Variants in TAB1 observed in about 807,000 individuals in gnomAD.
TAB1 encodes TGF-beta-activated kinase 1 and MAP3K7-binding protein 1.
Under a neutral mutation model 54.5 loss-of-function variants are expected in TAB1, and 30 were observed. The ratio of observed to expected loss-of-function variants is 0.55; its 90% CI spans 0.41 to 0.75. The LOEUF (loss-of-function observed/expected upper bound fraction) is 0.75, where lower values mean the gene tolerates loss of function less well. TAB1 is among the 30% of genes least tolerant of loss of function. The probability of loss-of-function intolerance (pLI) is 0.00; values close to 1 mark genes in which losing one functional copy is unlikely to be tolerated. For missense variants in TAB1, 609 were observed against 683.2 expected, an observed-to-expected ratio of 0.89 and a Z score of 1.21; for synonymous variants, 289 against 286.9, an observed-to-expected ratio of 1.01 and a Z score of -0.07.
chr22:39,428,851 C>T (rs558698826), intron 10 of TAB1, among the ~76,000 whole-genome samples: 5 of 152,336 alleles, frequency 3.3e-5, no homozygotes, highest in African/African-American at 1.2e-4. Flanking sequence ...GGGGGGTGGG[C>T]GGCCTGCATG....
In TAB1 at chr22:39,431,734, G is replaced by C. The variant is rs1927594580; in HGVS notation, c.*1512G>C. Reference sequence around the variant, plus strand: ...AGCCATCTCTGTTCTGCAGGTGAGAGGATTTAAAGTCAGTCACAAAGGCTT... The same window carrying C: ...AGCCATCTCTGTTCTGCAGGTGAGACGATTTAAAGTCAGTCACAAAGGCTT... On this transcript the variant is annotated 3_prime_UTR_variant, in exon 11 of 11. Transcript: ENST00000216160. 2.0e-6 allele frequency: 2 copies of C among 985,366 alleles called. No homozygotes were observed. Among genetic ancestry groups the C allele is most frequent in the Non-Finnish European group, 2.4e-6 (2 of 829,978 alleles). 61.0% of individuals were successfully genotyped at this position (985,366 alleles called of 1,614,324 possible).
chr22:39,426,671 C>T (rs747370422), intron 8 of TAB1, 32 bp from the exon 9 acceptor site: 1 of 1,569,692 alleles, frequency 6.4e-7, no homozygotes, highest in Admixed American at 1.7e-5. Context: ...GCACCTCGTT[C>T]CTTACCAGGT....
chr22:39,402,534 G>A (rs763813871), intron 1 of TAB1, among the ~76,000 whole-genome samples: 13 of 152,126 alleles, frequency 8.5e-5, no homozygotes, highest in Admixed American at 3.9e-4. Context: ...ACCTTGAAAG[G>A]TCTTTTGAAG....
chr22:39,430,949 G>A lies in TAB1; in HGVS notation c.*727G>A, dbSNP rs1202084347. 16 of 986,790 alleles carry A rather than the reference G, an allele frequency of 1.6e-5. No homozygotes were observed. Among genetic ancestry groups the A allele is most frequent in the Middle Eastern group, 5.2e-4 (1 of 1,938 alleles). 61.1% of individuals were successfully genotyped at this position (986,790 alleles called of 1,614,324 possible). ...TGCGGGAGAGGTGAGGACTGGCCCC[G>A]GTGGGCTGAGGCAGGGGCCGCTGTC... On this transcript the variant is annotated 3_prime_UTR_variant, in exon 11 of 11. Transcript: ENST00000216160.
Position 39,414,991 on chromosome 22 carries a change from G to A in TAB1, c.34-15G>A. The A allele has an allele frequency of 1.9e-6, 3 of 1,613,778 alleles. No homozygotes were observed. Among genetic ancestry groups the A allele is most frequent in the Non-Finnish European group, 2.5e-6 (3 of 1,179,984 alleles). ...ACGCGGTGGCGTCTCACGGCTTCCT[G>A]GTGTCCTTCCCCAGGAGCAGCAGCC... is the stretch of plus-strand genomic sequence containing the variant. On this transcript the variant is annotated splice_polypyrimidine_tract_variant and intron_variant, in intron 1 of 10. Coordinates refer to ENST00000216160, the MANE Select transcript of TAB1 (RefSeq NM_006116.3).
In TAB1 at chr22:39,431,471, C is replaced by T. The variant is rs1178845097; in HGVS notation, c.*1249C>T. On this transcript the variant is annotated 3_prime_UTR_variant, in exon 11 of 11. Transcript: ENST00000216160. Reference sequence around the variant, plus strand: ...CCACGCCCTCCCCATCTCCCAGTCTCCCTGCCCCCCATGCCCCAGACCGGC... The same window carrying T: ...CCACGCCCTCCCCATCTCCCAGTCTTCCTGCCCCCCATGCCCCAGACCGGC... 5.1e-6 allele frequency: 5 copies of T among 985,766 alleles called. No individual in the cohort carries two copies. The highest frequency in any genetic ancestry group is 6.0e-6 in the Non-Finnish European group (5 of 830,232). 61.1% of individuals were successfully genotyped at this position (985,766 alleles called of 1,614,324 possible).
At chr22:39,433,922 GTCAC>G, downstream of TAB1, 1 of 653,498 alleles carries the variant, frequency 1.5e-6, no homozygotes, top group Non-Finnish European at 1.9e-6. Context: ...TCCTCCATGG[GTCAC>G]TCACTCTCAG....
chr22:39,409,892 C>T (rs990713255), intron 1 of TAB1, among the ~76,000 whole-genome samples: 9 of 152,156 alleles, frequency 5.9e-5, no homozygotes, highest in Admixed American at 5.2e-4. Flanking sequence ...TCTTCTGTGT[C>T]CGCAGTACCC....
In TAB1 at chr22:39,415,858, G is replaced by C. The variant is rs1285341961; in HGVS notation, c.324+205G>C. ...AGCGAGCAGCAGGCCTTCAATGGCT[G>C]GCAGAGGAGGTACTGCTGGAGACGG... On this transcript the variant is annotated intron_variant, in intron 3 of 10. Transcript: ENST00000216160. This position sits in a 1 kb window ranked among gnomAD's most constrained non-coding sequence, Gnocchi z 4.9. Among the ~76,000 whole-genome samples the C allele has an allele frequency of 2.0e-5, 3 of 152,214 alleles. No individual in the cohort carries two copies. The highest frequency in any genetic ancestry group is 2.9e-5 in the Non-Finnish European group (2 of 68,040).
intron 1 of TAB1, among the ~76,000 whole-genome samples, chr22:39,405,711 T>A (rs1926331939): frequency 6.6e-6 from 1 of 152,190 alleles, no homozygotes; most frequent in Non-Finnish European, 1.5e-5. Flanking sequence ...GACTTGGCAG[T>A]CCTGTAGGCT....
chr22:39,430,517 A>G lies in TAB1; in HGVS notation c.*295A>G. The G allele has an allele frequency of 7.8e-7, 1 of 1,289,604 alleles. No individual in the cohort carries two copies. The highest frequency in any genetic ancestry group is 9.9e-7 in the Non-Finnish European group (1 of 1,007,846). 79.9% of individuals were successfully genotyped at this position (1,289,604 alleles called of 1,614,324 possible). A position where few individuals can be genotyped will look rare whatever the true frequency, so the allele number is the denominator to read the frequency against. On this transcript the variant is annotated 3_prime_UTR_variant, in exon 11 of 11. Transcript: ENST00000216160. ...GGTATAGAAACCGCAGTGGGCCTGCAAGCCGCCCGAGCCTCCCCAGCAGCC... is the reference window on the plus strand; with the variant it reads ...GGTATAGAAACCGCAGTGGGCCTGCGAGCCGCCCGAGCCTCCCCAGCAGCC...
At chr22:39,417,576 A>C (rs1024554596) in intron 4 of TAB1, 135 bp from the exon 5 acceptor site, 1 of 806,400 alleles carries the variant, frequency 1.2e-6, no homozygotes, top group East Asian at 3.0e-5. Context: ...AGCCGAGATC[A>C]TGCCACTGCA....
chr22:39,403,087 C>T (rs1480196739), intron 1 of TAB1, among the ~76,000 whole-genome samples: 2 of 152,244 alleles, frequency 1.3e-5, no homozygotes, highest in African/African-American at 4.8e-5. Flanking sequence ...TCAGTGCTGC[C>T]GTGAGTGAAT....
intron 1 of TAB1, among the ~76,000 whole-genome samples, chr22:39,406,269 C>T (rs1030287335): frequency 3.3e-5 from 5 of 151,924 alleles, no homozygotes; most frequent in East Asian, 1.9e-4. Flanking sequence ...CATGGTGGCA[C>T]GCACCTGTAA....
chr22:39,428,247 A>G (rs764136364), intron 10 of TAB1, 64 bp downstream of exon 10: 285 of 1,211,506 alleles, frequency 2.4e-4, no homozygotes, highest in Non-Finnish European at 3.0e-4. Context: ...CTGTGGCACC[A>G]GGACAGAAAT....
At chr22:39,420,415 C>T (rs1423041940) in intron 7 of TAB1, among the ~76,000 whole-genome samples, 2 of 152,150 alleles carry the variant, frequency 1.3e-5, no homozygotes, top group African/African-American at 2.4e-5. Flanking sequence ...GGGAGATAGG[C>T]GCGTCCACTT....
chr22:39,422,919 A>G (rs1645836131), intron 8 of TAB1, among the ~76,000 whole-genome samples: 1 of 151,400 alleles, frequency 6.6e-6, no homozygotes, highest in African/African-American at 2.4e-5. Flanking sequence ...AGATAAGTTC[A>G]GTTTGTGTTC....
rs1363144207 is a variant in TAB1 at position 39,430,677 on chromosome 22, T to A, written c.*455T>A. ...ACAGTAGCCCTCCACTTCTCCAGCC[T>A]CTCAGCCCTGTGCTCCTGCATCCAG... On this transcript the variant is annotated 3_prime_UTR_variant, in exon 11 of 11. Transcript: ENST00000216160. 1 of 1,053,410 alleles carries A rather than the reference T, an allele frequency of 9.5e-7. No homozygotes were observed. The highest frequency in any genetic ancestry group is 1.6e-5 in the African/African-American group (1 of 60,726). 65.3% of individuals were successfully genotyped at this position (1,053,410 alleles called of 1,614,324 possible). A position where few individuals can be genotyped will look rare whatever the true frequency, so the allele number is the denominator to read the frequency against.
At position 39,418,793 on chromosome 22, in the gene TAB1, C is replaced by A; in HGVS notation, c.612C>A (p.Asn204Lys). The change falls in exon 6 of 11, where the codon AAC becomes AAA. Residue 204 changes from asparagine to lysine, a missense_variant. Asn to Lys is a moderately conservative substitution (Grantham distance 94). Transcript: ENST00000216160. ...TVDGLQVTQL[N>K]VDHTTENEDE... ...ATGGGTTGCAGGTGACACAGCTGAA[C>A]GTGGACCACACCACAGAGAACGAGG... 6.2e-7 allele frequency: 1 copy of A among 1,614,156 alleles called. No homozygotes were observed. Among genetic ancestry groups the A allele is most frequent in the Non-Finnish European group, 8.5e-7 (1 of 1,180,020 alleles).
Sources: gnomAD v4.1 joint callset for allele counts (sites outside exome capture counted in the v4.1 genomes callset) on GRCh38, gnomAD v4.1.1 for gene constraint, Gnocchi (gnomAD v3.1) non-coding constraint, MANE v1.5 for transcripts, NCBI Gene and HGNC (gene_info 2026-07-23, HGNC 2026-07-21) for gene names.